Variants in LRBA observed in about 807,000 individuals in gnomAD.
LRBA encodes the protein LPS responsive beige-like anchor protein, also known as lipopolysaccharide-responsive and beige-like anchor protein.
LRBA carries 176 observed loss-of-function variants against 330.0 expected under a neutral mutation model. The ratio of observed to expected loss-of-function variants is 0.53; its 90% confidence interval spans 0.47 to 0.60. The LOEUF is 0.60. Among genes scored for constraint, LRBA ranks in the 20% least tolerant of loss-of-function variants. The pLI is 0.00. For synonymous variants in LRBA, 1,230 were observed against 1,193.0 expected (o/e 1.03, Z -0.64); for missense variants, 3,259 against 3,444.8 (o/e 0.95, Z 1.35).
At chr4:150,701,545 A>G (rs1582090615) in intron 36 of LRBA, among the ~76,000 whole-genome samples, 2 of 152,314 alleles carry the variant, frequency 1.3e-5, no homozygotes, top group South Asian at 4.1e-4. Context: ...TTTCAGCTCC[A>G]TTAAAATCTC....
chr4:150,599,999 T>C (rs1773954624), intron 37 of LRBA, among the ~76,000 whole-genome samples: 1 of 152,136 alleles, frequency 6.6e-6, no homozygotes, highest in Admixed American at 6.6e-5. Flanking sequence ...GTTTGCTCAT[T>C]TCAAATTCTA....
chr4:150,467,329 T>G (rs553895878), intron 44 of LRBA, among the ~76,000 whole-genome samples: 2 of 152,244 alleles, frequency 1.3e-5, no homozygotes, highest in Admixed American at 6.5e-5. Context: ...TTCTCTGCAA[T>G]GTACCACTGG....
At chr4:150,306,172 T>G (rs1361126392) in intron 52 of LRBA, among the ~76,000 whole-genome samples, 1 of 152,202 alleles carries the variant, frequency 6.6e-6, no homozygotes, top group Admixed American at 6.6e-5. Flanking sequence ...GTTTTATTGT[T>G]GCCTCTGCTG....
intron 53 of LRBA, among the ~76,000 whole-genome samples, chr4:150,296,233 A>C (rs903556831): frequency 1.3e-5 from 2 of 152,168 alleles, no homozygotes. Context: ...GAGGAGTTTC[A>C]TATCTTTAGC....
At chr4:150,604,679 C>T (rs1434130371) in intron 37 of LRBA, among the ~76,000 whole-genome samples, 1 of 152,104 alleles carries the variant, frequency 6.6e-6, no homozygotes, top group Admixed American at 6.5e-5. Flanking sequence ...TGCACAACTC[C>T]AGGGGGCACT....
intron 52 of LRBA, among the ~76,000 whole-genome samples, chr4:150,307,656 A>T (rs997858054): frequency 6.6e-6 from 1 of 151,780 alleles, no homozygotes; most frequent in African/African-American, 2.4e-5. Flanking sequence ...ACGCAGGAGG[A>T]GATCACCTGA....
intron 34 of LRBA, among the ~76,000 whole-genome samples, chr4:150,777,253 C>T (rs78071023): frequency 2.0e-5 from 3 of 151,970 alleles, no homozygotes; most frequent in South Asian, 2.1e-4. Flanking sequence ...GCCACTGCAC[C>T]GGATCTAAAT....
intron 2 of LRBA, among the ~76,000 whole-genome samples, chr4:150,992,647 C>T (rs1326510684): frequency 6.6e-6 from 1 of 152,078 alleles, no homozygotes; most frequent in African/African-American, 2.4e-5. Context: ...AATTAAAAGG[C>T]TATTTAGTGA....
intron 36 of LRBA, among the ~76,000 whole-genome samples, chr4:150,703,488 G>A (rs575137213): frequency 5.3e-5 from 8 of 152,260 alleles, no homozygotes; most frequent in Non-Finnish European, 1.2e-4. Context: ...TATACCAGAT[G>A]TTGAAATTAA....
intron 40 of LRBA, among the ~76,000 whole-genome samples, chr4:150,563,930 A>T (rs1379945768): frequency 6.6e-6 from 1 of 152,216 alleles, no homozygotes; most frequent in Non-Finnish European, 1.5e-5. Context: ...GGATAGGAAG[A>T]ATCAATATCG....
chr4:150,694,740 T>C (rs1327246055), intron 36 of LRBA, among the ~76,000 whole-genome samples: 3 of 151,726 alleles, frequency 2.0e-5, no homozygotes, highest in Admixed American at 6.6e-5. Flanking sequence ...AGAACACTTA[T>C]CAAAGTATCT....
intron 30 of LRBA, among the ~76,000 whole-genome samples, chr4:150,823,744 T>G (rs1745812794): frequency 6.6e-6 from 1 of 152,186 alleles, no homozygotes; most frequent in South Asian, 2.1e-4. Context: ...TTGGCACCTT[T>G]GTCAAAAATG....
intron 2 of LRBA, among the ~76,000 whole-genome samples, chr4:151,005,376 T>C (rs1378275087): frequency 7.6e-6 from 1 of 131,356 alleles, no homozygotes; most frequent in Admixed American, 9.1e-5. Context: ...AGGCGGAGGT[T>C]GCAGTGAGCC....
At chr4:150,925,613 A>T (rs1048594150) in intron 4 of LRBA, among the ~76,000 whole-genome samples, 1 of 152,294 alleles carries the variant, frequency 6.6e-6, no homozygotes. Context: ...CTACAGATGG[A>T]AGGTGACAAT....
At chr4:150,506,412 G>C (rs1581522781) in intron 40 of LRBA, among the ~76,000 whole-genome samples, 1 of 152,178 alleles carries the variant, frequency 6.6e-6, no homozygotes, top group South Asian at 2.1e-4. Flanking sequence ...GAGATGCAAG[G>C]CTGGTTCAAC....
rs1386326411 is a variant in LRBA at position 150,871,233 on chromosome 4, ACT to A, written c.2367+110_2367+111del. The A allele has an allele frequency of 6.8e-6, 4 of 591,142 alleles. No homozygotes were observed. The African/African-American group carries it at 7.5e-5, about 11-fold the overall frequency. The allele number at this position is 591,142 out of a possible 1,614,324, so 36.6% of individuals were successfully genotyped here. ...ACTCCAGCCTGGGTGACAGAGTGAG[ACT>A]CTGTCTCAAAAAATAAAATAAAAAT... On this transcript the variant is annotated intron_variant, in intron 19 of 56. Coordinates refer to ENST00000651943, the MANE Select transcript of LRBA (RefSeq NM_001364905.1).
intron 33 of LRBA, among the ~76,000 whole-genome samples, chr4:150,804,701 T>C (rs1474053765): frequency 6.6e-6 from 1 of 152,168 alleles, no homozygotes; most frequent in Non-Finnish European, 1.5e-5. Context: ...TCCTAAACCA[T>C]CAATCACGGG....
chr4:150,743,111 G>C lies in LRBA; in HGVS notation c.5646-7745C>G, dbSNP rs573841146. 3.3e-5 allele frequency among the ~76,000 whole-genome samples: 5 copies of C among 152,164 alleles called. 1 individual carries two copies. The East Asian group carries it at 9.7e-4, about 29-fold the overall frequency. ...GCCTCCCAAGTAGCTGGAATTACAG[G>C]TACATGAGTCACCACCCCCGGCTAA... On this transcript the variant is annotated intron_variant, in intron 35 of 56. Transcript: ENST00000651943.
At chr4:150,862,507 C>T (rs1408588681) in intron 22 of LRBA, among the ~76,000 whole-genome samples, 1 of 151,958 alleles carries the variant, frequency 6.6e-6, no homozygotes, top group Non-Finnish European at 1.5e-5. Flanking sequence ...GGAAAGGGAA[C>T]ATCACACACT....
Sources: gnomAD v4.1 joint callset for allele counts (sites outside exome capture counted in the v4.1 genomes callset) on GRCh38, gnomAD v4.1.1 for gene constraint, MANE v1.5 for transcripts, NCBI Gene and HGNC (gene_info 2026-07-23, HGNC 2026-07-21) for gene names.